Variants in TMEM255A observed in about 807,000 individuals in gnomAD.
The protein encoded by TMEM255A is transmembrane protein 255A.
A neutral mutation model predicts 23.5 loss-of-function variants in TMEM255A; 14 were observed. The observed-to-expected ratio is 0.60, with a 90% CI of 0.39 to 0.93. The LOEUF (loss-of-function observed/expected upper bound fraction) is 0.93. TMEM255A is among the 40% of genes least tolerant of loss of function. The pLI is 0.00. For synonymous variants in TMEM255A, 104 were observed against 100.3 expected (o/e 1.04, Z -0.22); for missense variants, 233 against 261.7 (o/e 0.89, Z 0.76).
rs782021871 is a variant in TMEM255A at position 120,260,265 on chromosome X, CAA to C, written c.*603_*604del. 35 of 725,688 alleles carry C rather than the reference CAA, an allele frequency of 4.8e-5. No individual in the cohort carries two copies. The African/African-American group carries it at 8.2e-4, about 17-fold the overall frequency. 59.8% of individuals were successfully genotyped at this position (725,688 alleles called of 1,213,427 possible). On this transcript the variant is annotated 3_prime_UTR_variant, in exon 9 of 9. Coordinates refer to ENST00000371369, the MANE Select transcript of TMEM255A (RefSeq NM_001104544.3). ...TTTTCCCTTTAGGAGGTACCAATAA[CAA>C]AAGCTGAGCTGAGTGATCACAACAG...
chrX:120,290,559 G>A (rs1556022712), intron 4 of TMEM255A, among the ~76,000 whole-genome samples: 2 of 112,476 alleles, frequency 1.8e-5, no homozygotes, highest in African/African-American at 6.5e-5. Flanking sequence ...ATACTCAGCA[G>A]CTAATATGCA....
At chrX:120,295,683 C>T (rs1224018385) in intron 2 of TMEM255A, among the ~76,000 whole-genome samples, 1 of 112,011 alleles carries the variant, frequency 8.9e-6, no homozygotes, top group Non-Finnish European at 1.9e-5. Flanking sequence ...CCCAGCTCTT[C>T]TATGTCTGTG....
rs782151441 is a variant in TMEM255A, at chrX:120,291,353, A to G, written c.265-13T>C. The G allele has an allele frequency of 2.1e-5, 25 of 1,189,387 alleles. No individual in the cohort carries two copies. In the South Asian group the frequency reaches 4.5e-4, roughly 22 times the overall value. The stretch of plus-strand genomic sequence containing the variant: ...TAGAAGCCACCAGCTGTAGGGGGGA[A>G]TAAAACAAAAGCGTCTGTTAGCCTT... On this transcript the variant is annotated splice_polypyrimidine_tract_variant and intron_variant, in intron 3 of 8. Coordinates refer to ENST00000371369, the MANE Select transcript of TMEM255A (RefSeq NM_001104544.3).
chrX:120,296,539 G>A (rs1378875056), intron 2 of TMEM255A, among the ~76,000 whole-genome samples: 2 of 94,457 alleles, frequency 2.1e-5, no homozygotes, highest in Non-Finnish European at 4.1e-5. Context: ...TCTAGTAAGG[G>A]AGAGACAGAC....
At chrX:120,286,069 T>C (rs1367949734) in intron 5 of TMEM255A, 1 of 378,084 alleles carries the variant, frequency 2.6e-6, no homozygotes, top group South Asian at 3.6e-5. Flanking sequence ...TATGCATTTC[T>C]ATTCCTCCTA....
intron 6 of TMEM255A, among the ~76,000 whole-genome samples, chrX:120,281,562 T>C (rs199945132): frequency 8.9e-6 from 1 of 112,661 alleles, no homozygotes; most frequent in East Asian, 2.8e-4. Flanking sequence ...TCAATCTCCC[T>C]GGCAAATTGA....
intron 2 of TMEM255A, among the ~76,000 whole-genome samples, chrX:120,294,533 A>G (rs2057941870): frequency 8.9e-6 from 1 of 111,921 alleles, no homozygotes. Context: ...ACCATTTGCC[A>G]GTTTTCCCTT....
chrX:120,268,529 G>A, intron 7 of TMEM255A, 142 bp from the exon 8 acceptor site: 1 of 403,811 alleles, frequency 2.5e-6, no homozygotes, highest in Non-Finnish European at 3.9e-6. Flanking sequence ...AGGTTGTCCA[G>A]GATATATTTT....
At chrX:120,265,108 C>G (rs2057707588) in intron 8 of TMEM255A, among the ~76,000 whole-genome samples, 1 of 111,423 alleles carries the variant, frequency 9.0e-6, no homozygotes, top group Admixed American at 9.5e-5. Context: ...AACTCCCGAC[C>G]TCAGGTGATC....
chrX:120,253,892 T>C (rs2057616751), downstream of TMEM255A: 6 of 1,209,235 alleles, frequency 5.0e-6, no homozygotes, highest in African/African-American at 1.8e-5. Flanking sequence ...CCCAAGATAA[T>C]GGGGCTACTA....
intron 7 of TMEM255A, among the ~76,000 whole-genome samples, chrX:120,270,510 T>C (rs1228110626): frequency 1.8e-5 from 2 of 111,281 alleles, no homozygotes; most frequent in Non-Finnish European, 3.8e-5. Flanking sequence ...AGAATGCTAC[T>C]TTTTTTCCCT....
At chrX:120,294,871 A>T (rs5910820) in intron 2 of TMEM255A, among the ~76,000 whole-genome samples, 33,738 of 110,464 alleles carry the variant, frequency 0.31, 4,190 homozygotes, top group East Asian at 0.56. Flanking sequence ...AAATTTTTTT[A>T]AAAATCTTTT....
At chrX:120,299,959 A>T (rs995835632) in intron 2 of TMEM255A, among the ~76,000 whole-genome samples, 1 of 111,949 alleles carries the variant, frequency 8.9e-6, no homozygotes, top group Non-Finnish European at 1.9e-5. Flanking sequence ...ATGATTTTCA[A>T]TTAACTGACT....
chrX:120,287,067 C>T, intron 5 of TMEM255A, 87 bp downstream of exon 5: 2 of 799,387 alleles, frequency 2.5e-6, no homozygotes, highest in East Asian at 3.2e-5. Context: ...AACTTAGGCC[C>T]ATGAAAAGGA....
In TMEM255A at chrX:120,260,804, A is replaced by G; in HGVS notation, c.*66T>C. 5.9e-6 allele frequency: 7 copies of G among 1,176,533 alleles called. No individual in the cohort carries two copies. In the East Asian group the frequency reaches 9.0e-5, roughly 15 times the overall value. ...AGTCACACTTTAAATTTTGTACCCT[A>G]CACACTTCCACTGAAGCAGAAATAC... On this transcript the variant is annotated 3_prime_UTR_variant, in exon 9 of 9. Coordinates refer to ENST00000371369, the MANE Select transcript of TMEM255A (RefSeq NM_001104544.3).
Position 120,296,869 on chromosome X carries a change from T to A in TMEM255A, c.202-2818A>T, listed in dbSNP as rs868992204. On this transcript the variant is annotated intron_variant, in intron 2 of 8. Transcript: ENST00000371369. ...ATATCATATATAATATATAATATAT[T>A]ATATATCATATATATTATATATGAT... Among the ~76,000 whole-genome samples, 6 of 3,296 alleles carry A rather than the reference T, an allele frequency of 1.8e-3. 1 individual carries two copies. The highest frequency in any genetic ancestry group is 2.4e-3 in the Non-Finnish European group (6 of 2,527). The allele number at this position is 3,296 out of a possible 115,157, so 2.9% of individuals were successfully genotyped here.
intron 7 of TMEM255A, among the ~76,000 whole-genome samples, chrX:120,269,821 C>T (rs1226836534): frequency 8.9e-6 from 1 of 111,916 alleles, no homozygotes; most frequent in African/African-American, 3.3e-5. Context: ...GGGGAAGTAC[C>T]AGAAATCATG....
chrX:120,257,159 CAAACCATTTGTAAA>C (rs1408580396), downstream of TMEM255A: 3 of 122,607 alleles, frequency 2.4e-5, no homozygotes, highest in Non-Finnish European at 5.7e-5. Context: ...TCTAGACCTT[CAAACCATTTGTAAA>C]CTAACCCCTG....
At chrX:120,309,877 A>G (rs1301163785) in intron 1 of TMEM255A, 1 of 111,562 alleles carries the variant, frequency 9.0e-6, no homozygotes, top group Admixed American at 9.4e-5. Context: ...CCCGTTGTAA[A>G]TAACTACGCC....
Sources: gnomAD v4.1 joint callset for allele counts (sites outside exome capture counted in the v4.1 genomes callset) on GRCh38, gnomAD v4.1.1 for gene constraint, MANE v1.5 for transcripts, NCBI Gene and HGNC (gene_info 2026-07-23, HGNC 2026-07-21) for gene names.